Variants in EIF4B observed in about 807,000 individuals in gnomAD.
EIF4B encodes eukaryotic translation initiation factor 4B.
In EIF4B, 8 loss-of-function variants were observed where a neutral mutation model predicts 79.3. That is an observed-to-expected ratio of 0.10 (90% CI 0.06 to 0.18). The LOEUF (loss-of-function observed/expected upper bound fraction) is 0.18. EIF4B is among the 10% of genes least tolerant of loss of function. EIF4B has a pLI of 1.00. For synonymous variants in EIF4B, 238 were observed against 274.7 expected (o/e 0.87, Z 1.32); for missense variants, 515 against 792.4 (o/e 0.65, Z 4.20).
rs1274961581 is a variant in EIF4B, at chr12:53,040,882, C to T, written c.*659C>T. On this transcript the variant is annotated 3_prime_UTR_variant, in exon 15 of 15. Transcript: ENST00000262056. ...ATTGGACCAAAATAAATGGGAAAAT[C>T]GTGGTTTGAAAAGAAGCTTTTGGGA... is the stretch of plus-strand genomic sequence containing the variant. 1.3e-5 allele frequency: 2 copies of T among 151,274 alleles called. No homozygotes were observed. Among genetic ancestry groups the T allele is most frequent in the African/African-American group, 2.4e-5 (1 of 41,156 alleles). 9.4% of individuals were successfully genotyped at this position (151,274 alleles called of 1,614,324 possible). A position where few individuals can be genotyped will look rare whatever the true frequency, so the allele number is the denominator to read the frequency against.
intron 4 of EIF4B, 69 bp downstream of exon 4, chr12:53,020,095 G>T (rs1165613680): frequency 1.5e-6 from 2 of 1,326,614 alleles, no homozygotes; most frequent in Admixed American, 4.9e-5. Context: ...GATCAAACTG[G>T]TATTTTTTAG....
chr12:53,021,998 A>G (rs1592219527), intron 5 of EIF4B, 138 bp downstream of exon 5: 3 of 996,496 alleles, frequency 3.0e-6, no homozygotes, highest in Non-Finnish European at 4.5e-6. Flanking sequence ...GTTTTGCCCC[A>G]CAGGGGACTT....
intron 6 of EIF4B, among the ~76,000 whole-genome samples, chr12:53,027,458 A>T (rs941511453): frequency 3.9e-5 from 6 of 152,206 alleles, no homozygotes; most frequent in African/African-American, 1.4e-4. Context: ...TAATTAAAAA[A>T]TAAGTGGTCT....
chr12:53,022,654 T>C, intron 6 of EIF4B, 27 bp downstream of exon 6: 5 of 1,608,560 alleles, frequency 3.1e-6, no homozygotes, highest in Non-Finnish European at 4.2e-6. Context: ...GAAGTTAGCT[T>C]CCTCTGTGCT....
In EIF4B at chr12:53,022,467, C is replaced by A. The variant is rs10506315; in HGVS notation, c.533-26C>A. On this transcript the variant is annotated intron_variant, in intron 5 of 14. Transcript: ENST00000262056. ...GGCAAAGTTTTTATGAGATAACTTA[C>A]GGTTTTTGTTTTAATGTATCTGTAG... 3.1e-6 allele frequency: 5 copies of A among 1,606,974 alleles called. 1 individual carries two copies. In the South Asian group the frequency reaches 5.6e-5, roughly 18 times the overall value.
At chr12:53,027,137 A>ATTTTTTTTTTTTTTTTTTTTTTTTTTT (rs71095967) in intron 6 of EIF4B, among the ~76,000 whole-genome samples, 1 of 25,722 alleles carries the variant, frequency 3.9e-5, no homozygotes, top group Non-Finnish European at 9.8e-5. Context: ...AAAAAAAAAA[A>ATTTTTTTTTTTTTTTTTTTTTTTTTTT]TTTTTTTTTT....
intron 10 of EIF4B, among the ~76,000 whole-genome samples, chr12:53,035,697 T>G (rs1943529235): frequency 6.6e-6 from 1 of 151,976 alleles, no homozygotes; most frequent in African/African-American, 2.4e-5. Context: ...GTAGAGATGG[T>G]TTCCCCATGT....
Position 53,025,559 on chromosome 12 carries a change from A to G in EIF4B, c.668-2223A>G, listed in dbSNP as rs532365474. On this transcript the variant is annotated intron_variant, in intron 6 of 14. Transcript: ENST00000262056. Reference sequence around the variant, plus strand: ...ATGCTTTCTCAGGAAACACAAGCTTATCATAATTTCAGTATTACCCAAATA... The same window carrying G: ...ATGCTTTCTCAGGAAACACAAGCTTGTCATAATTTCAGTATTACCCAAATA... Among the ~76,000 whole-genome samples, 3 of 152,350 alleles carry G rather than the reference A, an allele frequency of 2.0e-5. No individual in the cohort carries two copies. In the East Asian group the frequency reaches 5.8e-4, roughly 29 times the overall value.
At chr12:53,032,809 C>CT (rs1174017590) in intron 8 of EIF4B, among the ~76,000 whole-genome samples, 1 of 151,114 alleles carries the variant, frequency 6.6e-6, no homozygotes, top group Non-Finnish European at 1.5e-5. Flanking sequence ...GTAGCTGGGA[C>CT]TACAGGCATG....
rs1943370226 is a variant in EIF4B at position 53,028,061 on chromosome 12, G to A, written c.852G>A (p.Gly284=). 6.2e-7 allele frequency: 1 copy of A among 1,613,696 alleles called. No individual in the cohort carries two copies. ...GTGGCAGAAGAGCATTTGGCAGTGG[G>A]TATCGCAGGGATGATGACTACAGAG... ...IGSGRRAFGS[G]YRRDDDYRGG... is the part of the protein sequence containing the mutation. Residue 284 remains glycine (G), a synonymous_variant, in exon 8 of 15, where the codon GGG becomes GGA. Transcript: ENST00000262056.
intron 5 of EIF4B, 105 bp from the exon 6 acceptor site, chr12:53,022,388 C>A: frequency 6.7e-7 from 1 of 1,499,266 alleles, no homozygotes. Flanking sequence ...GACAGTGTGA[C>A]GTGAAAGTGA....
rs371841096 is a variant in EIF4B at position 53,040,203 on chromosome 12, G to A, written c.1816G>A (p.Gly606Arg). Reference sequence around the variant, plus strand: ...TGTTGATGGTGAAGATGAAAATGAGGGAGAAGATTATGCCGAATAGACCTC... The same window carrying A: ...TGTTGATGGTGAAGATGAAAATGAGAGAGAAGATTATGCCGAATAGACCTC... ...LSVDGEDENE[G>R]EDYAE The change falls in exon 15 of 15, where the codon GGA (glycine) becomes AGA (arginine). Residue 606 changes from glycine (G) to arginine (R), a missense_variant. Transcript: ENST00000262056. The A allele has an allele frequency of 1.8e-5, 29 of 1,613,884 alleles. No homozygotes were observed. The highest frequency in any genetic ancestry group is 2.4e-5 in the Non-Finnish European group (28 of 1,179,978).
rs1208266493 is a variant in EIF4B, at chr12:53,024,218, A to T, written c.667+1591A>T. Among the ~76,000 whole-genome samples the T allele has an allele frequency of 3.9e-5, 6 of 152,334 alleles. No individual in the cohort carries two copies. The East Asian group carries it at 9.6e-4, about 24-fold the overall frequency. Reference sequence around the variant, plus strand: ...AAATTATGCAACTTTATTAAAATACACAAAAGTAGACCACACTATTTTTAA... The same window carrying T: ...AAATTATGCAACTTTATTAAAATACTCAAAAGTAGACCACACTATTTTTAA... On this transcript the variant is annotated intron_variant, in intron 6 of 14. Coordinates refer to ENST00000262056, the MANE Select transcript of EIF4B (RefSeq NM_001417.7).
intron 10 of EIF4B, among the ~76,000 whole-genome samples, chr12:53,035,801 A>G (rs1053813102): frequency 6.6e-6 from 1 of 151,542 alleles, no homozygotes; most frequent in Non-Finnish European, 1.5e-5. Context: ...CTCTAAATTG[A>G]TTTGTACTTG....
intron 1 of EIF4B, among the ~76,000 whole-genome samples, chr12:53,015,310 A>G (rs1325583042): frequency 2.0e-5 from 3 of 152,196 alleles, no homozygotes; most frequent in Non-Finnish European, 4.4e-5. Context: ...CAGCCTAGCC[A>G]TCTAATGTCT....
At chr12:53,012,730 C>G (rs1266371795) in intron 1 of EIF4B, among the ~76,000 whole-genome samples, 2 of 151,640 alleles carry the variant, frequency 1.3e-5, no homozygotes, top group Non-Finnish European at 2.9e-5. Flanking sequence ...CTCAGCCTCC[C>G]GAGTAGCTAG....
At chr12:53,024,008 T>TA (rs1592220691) in intron 6 of EIF4B, among the ~76,000 whole-genome samples, 1 of 152,198 alleles carries the variant, frequency 6.6e-6, no homozygotes, top group Non-Finnish European at 1.5e-5. Flanking sequence ...ATGCTCAAGA[T>TA]ACAGCAGTGA....
At chr12:53,022,265 C>T (rs1249325037) in intron 5 of EIF4B, 2 of 711,910 alleles carry the variant, frequency 2.8e-6, no homozygotes, top group African/African-American at 1.7e-5. Context: ...GACTCCTGGC[C>T]CATACAGAAT....
intron 3 of EIF4B, among the ~76,000 whole-genome samples, chr12:53,019,459 T>C (rs557224127): frequency 8.8e-5 from 7 of 79,922 alleles, no homozygotes; most frequent in South Asian, 5.9e-4. Context: ...TCTTTTTTTT[T>C]TTTTTTTTTT....
Sources: allele counts gnomAD v4.1 joint callset (sites outside exome capture counted in the v4.1 genomes callset), GRCh38; gene constraint gnomAD v4.1.1; transcripts MANE v1.5; gene names NCBI Gene and HGNC (gene_info 2026-07-23, HGNC 2026-07-21).